Variants in CNTROB observed in about 807,000 individuals in gnomAD.
CNTROB encodes the protein centrobin.
A neutral mutation model predicts 115.7 loss-of-function variants in CNTROB; 82 were observed. The ratio of observed to expected loss-of-function variants is 0.71; its 90% CI spans 0.59 to 0.85. The LOEUF is 0.85. Ranked by LOEUF, CNTROB falls within the 40% of genes least tolerant of loss-of-function variation. The pLI is 0.00. For synonymous variants in CNTROB, 439 were observed against 456.4 expected (o/e 0.96, Z 0.49); for missense variants, 1,014 against 1,144.4 (o/e 0.89, Z 1.64).
In CNTROB at chr17:7,937,269, A is replaced by G. The variant is rs1238196670; in HGVS notation, c.927+7A>G. On this transcript the variant is annotated splice_region_variant and intron_variant, in intron 7 of 18. Coordinates refer to ENST00000563694, the MANE Select transcript of CNTROB (RefSeq NM_053051.5). ...ACGGGAAAGAGAGACACTGGTGAGA[A>G]GATTGGACTGGGTTAATTCCACTGG... 1 of 1,613,894 alleles carries G rather than the reference A, an allele frequency of 6.2e-7. No individual in the cohort carries two copies. Among genetic ancestry groups the G allele is most frequent in the East Asian group, 2.2e-5 (1 of 44,886 alleles).
chr17:7,949,255 C>T (rs1328684864), intron 18 of CNTROB, 98 bp downstream of exon 18: 79 of 1,569,382 alleles, frequency 5.0e-5, no homozygotes, highest in Non-Finnish European at 6.7e-5. Context: ...CATTCCACCC[C>T]TGCATTCTGT....
Position 7,948,699 on chromosome 17 carries a change from T to C in CNTROB, c.2513+80T>C, listed in dbSNP as rs1406061616. The stretch of plus-strand genomic sequence containing the variant: ...GGAGTGGAGTGGGTGTGTTTTACAC[T>C]GAATTGAATCGTTGTCCTTTTCTGG... On this transcript the variant is annotated intron_variant, in intron 17 of 18. Transcript: ENST00000563694. This position sits in a 1 kb window ranked among gnomAD's most constrained non-coding sequence, Gnocchi z 4.4. 6.2e-7 allele frequency: 1 copy of C among 1,613,334 alleles called. No individual in the cohort carries two copies. Among genetic ancestry groups the C allele is most frequent in the Non-Finnish European group, 8.5e-7 (1 of 1,179,504 alleles).
Position 7,943,445 on chromosome 17 carries a change from G to A in CNTROB, c.1366G>A (p.Glu456Lys), listed in dbSNP as rs1316714546. ...GGAGTCGGAGCTGGCTGTGCAGCTGGAGCAGCGGGTGACAGAGCGGCTGGC... is the reference window on the plus strand; with the variant it reads ...GGAGTCGGAGCTGGCTGTGCAGCTGAAGCAGCGGGTGACAGAGCGGCTGGC... The part of the protein sequence containing the change: ...QLESELAVQL[E>K]QRVTERLAQA... Residue 456 changes from glutamate to lysine, a missense_variant, in exon 10 of 19, where the codon GAG (glutamate) becomes AAG (lysine). Coordinates refer to ENST00000563694, the MANE Select transcript of CNTROB (RefSeq NM_053051.5). The surrounding 1 kb of genome is among the most constrained non-coding windows in gnomAD (Gnocchi z 4.7). 1 of 1,613,994 alleles carries A rather than the reference G, an allele frequency of 6.2e-7. No homozygotes were observed. Among genetic ancestry groups the A allele is most frequent in the Non-Finnish European group, 8.5e-7 (1 of 1,179,892 alleles).
chr17:7,940,075 C>T lies in CNTROB; in HGVS notation c.1165-21C>T, dbSNP rs773451472. On this transcript the variant is annotated intron_variant, in intron 8 of 18. Coordinates refer to ENST00000563694, the MANE Select transcript of CNTROB (RefSeq NM_053051.5). ...AGATAAGAAATGAGGTATGTATATA[C>T]ATTTGATTTGTCTTTCATAGGAGAA... 1.1e-5 allele frequency: 18 copies of T among 1,576,886 alleles called. No homozygotes were observed. In the South Asian group the frequency reaches 1.5e-4, roughly 13 times the overall value.
chr17:7,947,702 C>A lies in CNTROB; in HGVS notation c.2125C>A (p.Leu709Ile). 1 of 1,611,578 alleles carries A rather than the reference C, an allele frequency of 6.2e-7. No individual in the cohort carries two copies. The highest frequency in any genetic ancestry group is 8.5e-7 in the Non-Finnish European group (1 of 1,178,272). Residue 709 changes from leucine (L) to isoleucine (I), a missense_variant, in exon 14 of 19, where the codon CTC becomes ATC. Transcript: ENST00000563694. ...QGLPPAQLEG[L>I]KNFLHQLLET... ...GCTGCCGCCTGCTCAGCTGGAGGGC[C>A]TCAAGAATTTTTTGCACCAGGTAAG...
Position 7,948,353 on chromosome 17 carries a change from A to T in CNTROB, c.2380+26A>T. The stretch of plus-strand genomic sequence containing the variant: ...GTGAGCATGTTCTGGTTTATTAGGG[A>T]AAAAAGGAGGGACAGTCCTGAGTGT... On this transcript the variant is annotated intron_variant, in intron 16 of 18. Transcript: ENST00000563694. This position sits in a 1 kb window ranked among gnomAD's most constrained non-coding sequence, Gnocchi z 4.4. 3 of 1,612,838 alleles carry T rather than the reference A, an allele frequency of 1.9e-6. No homozygotes were observed. Among genetic ancestry groups the T allele is most frequent in the Non-Finnish European group, 2.5e-6 (3 of 1,178,892 alleles).
At chr17:7,940,820 A>G (rs934855073) in intron 9 of CNTROB, among the ~76,000 whole-genome samples, 2 of 152,218 alleles carry the variant, frequency 1.3e-5, no homozygotes, top group Admixed American at 6.5e-5. Flanking sequence ...GACTCTTGCC[A>G]TGGAATAGAG....
In CNTROB at chr17:7,937,253, A is replaced by T; in HGVS notation, c.918A>T (p.Arg306Ser). 1 of 1,614,078 alleles carries T rather than the reference A, an allele frequency of 6.2e-7. No homozygotes were observed. The highest frequency in any genetic ancestry group is 2.2e-5 in the East Asian group (1 of 44,882). ...GTGCCAGACTGCAGCAACGGGAAAGAGAGACACTGGTGAGAAGATTGGACT... is the reference window on the plus strand; with the variant it reads ...GTGCCAGACTGCAGCAACGGGAAAGTGAGACACTGGTGAGAAGATTGGACT... ...QESARLQQRE[R>S]ETLEEERQAL... The change falls in exon 7 of 19, where the codon AGA (arginine) becomes AGT (serine). Residue 306 changes from arginine (R) to serine (S), a missense_variant. Arg to Ser is a moderately radical substitution (Grantham distance 110, BLOSUM62 -1). Transcript: ENST00000563694.
chr17:7,942,030 G>A (rs1973943383), intron 9 of CNTROB, among the ~76,000 whole-genome samples: 1 of 151,938 alleles, frequency 6.6e-6, no homozygotes, highest in African/African-American at 2.4e-5. Context: ...ACTTTGGGAG[G>A]CTGAAGTGGG....
chr17:7,933,923 G>C (rs1451695456), intron 1 of CNTROB, among the ~76,000 whole-genome samples: 1 of 152,146 alleles, frequency 6.6e-6, no homozygotes, highest in Admixed American at 6.5e-5. Flanking sequence ...AAGAATCTCC[G>C]CAACTCTTGT....
Position 7,949,430 on chromosome 17 carries a change from A to C in CNTROB, c.2632A>C (p.Thr878Pro). ...TCGCCGCCTTGCTACAGCCCCCAAGACTGAAAAACCTCCCGCACGGAAGAA... is the reference window on the plus strand; with the variant it reads ...TCGCCGCCTTGCTACAGCCCCCAAGCCTGAAAAACCTCCCGCACGGAAGAA... Reference protein sequence around the residue: ...VPRRLATAPKTEKPPARKKSG... With the variant: ...VPRRLATAPKPEKPPARKKSG... The change falls in exon 19 of 19, where the codon ACT becomes CCT. Residue 878 changes from threonine to proline, a missense_variant. Thr to Pro is a conservative substitution (Grantham distance 38). Transcript: ENST00000563694. 1 of 1,613,774 alleles carries C rather than the reference A, an allele frequency of 6.2e-7. No homozygotes were observed. Among genetic ancestry groups the C allele is most frequent in the Middle Eastern group, 1.6e-4 (1 of 6,062 alleles).
chr17:7,948,632 G>A lies in CNTROB; in HGVS notation c.2513+13G>A, dbSNP rs1157751531. On this transcript the variant is annotated intron_variant, in intron 17 of 18. Coordinates refer to ENST00000563694, the MANE Select transcript of CNTROB (RefSeq NM_053051.5). This position sits in a 1 kb window ranked among gnomAD's most constrained non-coding sequence, Gnocchi z 4.4. Reference sequence around the variant, plus strand: ...TGGAACACAGCGGGTACAAGCCTGGGAGGAAGGAGGAAGGATTCTCCGGGT... The same window carrying A: ...TGGAACACAGCGGGTACAAGCCTGGAAGGAAGGAGGAAGGATTCTCCGGGT... 3 of 1,614,090 alleles carry A rather than the reference G, an allele frequency of 1.9e-6. No homozygotes were observed. The East Asian group carries it at 6.7e-5, about 36-fold the overall frequency.
intron 7 of CNTROB, among the ~76,000 whole-genome samples, chr17:7,937,636 T>A (rs1258267993): frequency 2.0e-5 from 3 of 152,004 alleles, no homozygotes; most frequent in Non-Finnish European, 2.9e-5. Context: ...ACCCCGTCTC[T>A]ACTAAAAATA....
Position 7,940,119 on chromosome 17 carries a change from G to A in CNTROB, c.1188G>A (p.Gln396=). ...REKEKSQREA[Q]AAWETQHQLA... ...AGGAGAAGAGCCAGAGGGAAGCCCA[G>A]GCCGCCTGGGAGACCCAGCACCAGT... The change falls in exon 9 of 19, where the codon CAG becomes CAA. Residue 396 remains glutamine, a synonymous_variant. Coordinates refer to ENST00000563694, the MANE Select transcript of CNTROB (RefSeq NM_053051.5). The A allele has an allele frequency of 6.2e-7, 1 of 1,607,428 alleles. No individual in the cohort carries two copies. The highest frequency in any genetic ancestry group is 1.7e-5 in the Admixed American group (1 of 58,504).
intron 13 of CNTROB, among the ~76,000 whole-genome samples, 191 bp downstream of exon 13, chr17:7,946,177 A>T (rs1407562138): frequency 2.0e-5 from 3 of 152,256 alleles, no homozygotes; most frequent in African/African-American, 7.2e-5. Context: ...GAAATATGAC[A>T]TCGCTGGACT....
In CNTROB at chr17:7,944,368, G is replaced by C; in HGVS notation, c.1572-108G>C. On this transcript the variant is annotated intron_variant, in intron 11 of 18. Coordinates refer to ENST00000563694, the MANE Select transcript of CNTROB (RefSeq NM_053051.5). The surrounding 1 kb of genome is among the most constrained non-coding windows in gnomAD (Gnocchi z 4.0). ...TCTGTCCTCCTCTACATGGGCCCCAGCTCCTTTCAGAATATCAGATGTCCA... is the reference window on the plus strand; with the variant it reads ...TCTGTCCTCCTCTACATGGGCCCCACCTCCTTTCAGAATATCAGATGTCCA... 1.9e-6 allele frequency: 3 copies of C among 1,561,632 alleles called. No homozygotes were observed. The highest frequency in any genetic ancestry group is 2.6e-6 in the Non-Finnish European group (3 of 1,135,678).
Position 7,949,567 on chromosome 17 carries a change from C to T in CNTROB, c.*57C>T, listed in dbSNP as rs1043851894. The T allele has an allele frequency of 3.9e-6, 6 of 1,525,110 alleles. No homozygotes were observed. The highest frequency in any genetic ancestry group is 5.3e-6 in the Non-Finnish European group (6 of 1,132,360). The allele number at this position is 1,525,110 out of a possible 1,614,324, so 94.5% of individuals were successfully genotyped here. A position where few individuals can be genotyped will look rare whatever the true frequency, so the allele number is the denominator to read the frequency against. On this transcript the variant is annotated 3_prime_UTR_variant, in exon 19 of 19. Coordinates refer to ENST00000563694, the MANE Select transcript of CNTROB (RefSeq NM_053051.5). ...CATTGTTGTTATTTTAATAAATGCT[C>T]ATTAGTCTGTATCAGAGTCTCTGGC...
At chr17:7,946,081 G>A (rs1198141095) in intron 13 of CNTROB, 95 bp downstream of exon 13, 1 of 1,150,676 alleles carries the variant, frequency 8.7e-7, no homozygotes, top group Non-Finnish European at 1.3e-6. Context: ...TGAGCATTTA[G>A]TTTCCCAGAT....
intron 4 of CNTROB, among the ~76,000 whole-genome samples, chr17:7,935,366 GT>G (rs1973038976): frequency 6.6e-6 from 1 of 152,162 alleles, no homozygotes; most frequent in Middle Eastern, 3.2e-3. Context: ...GCCGGGCATG[GT>G]GGTGGGTGCC....
Sources: gnomAD v4.1 joint callset for allele counts (sites outside exome capture counted in the v4.1 genomes callset) on GRCh38, gnomAD v4.1.1 for gene constraint, Gnocchi (gnomAD v3.1) non-coding constraint, MANE v1.5 for transcripts, NCBI Gene and HGNC (gene_info 2026-07-23, HGNC 2026-07-21) for gene names.